The following NAV2 variants were observed in gnomAD, a reference collection of about 807,000 sequenced individuals.
The protein encoded by NAV2 is helicase, APC down-regulated 1.
In NAV2, 54 loss-of-function variants were observed where a neutral mutation model predicts 223.2. That is an observed-to-expected ratio of 0.24 (90% confidence interval 0.19 to 0.30). NAV2 has a LOEUF of 0.30. Ranked by LOEUF, NAV2 falls within the 10% of genes least tolerant of loss-of-function variation. The pLI is 1.00. For synonymous variants in NAV2, 1,279 were observed against 1,239.3 expected (o/e 1.03, Z -0.67); for missense variants, 2,806 against 3,147.5 (o/e 0.89, Z 2.60).
intron 1 of NAV2, among the ~76,000 whole-genome samples, chr11:19,524,351 A>T (rs1460129162): frequency 5.9e-5 from 9 of 152,222 alleles, no homozygotes; most frequent in Admixed American, 5.2e-4. Flanking sequence ...AGACTGTGCT[A>T]GCTTGTCAGG....
At position 19,713,746 on chromosome 11, in the gene NAV2, C is replaced by G. The variant is rs184978478; in HGVS notation, c.51C>G (p.Pro17=). Residue 17 remains proline, a synonymous_variant, in exon 1 of 38, where the codon CCC becomes CCG. Coordinates refer to ENST00000349880, the MANE Select transcript of NAV2 (RefSeq NM_145117.5). This position sits in a 1 kb window ranked among gnomAD's most constrained non-coding sequence, Gnocchi z 7.2. ...ASKMKSGLPK[P]VHSAAPILHV... ...AAATGAAGTCGGGACTGCCCAAACC[C>G]GTGCACAGCGCCGCGCCCATCCTGC... The G allele has an allele frequency of 6.4e-4, 1,039 of 1,611,144 alleles. 18 individuals are homozygous for G. In the East Asian group the frequency reaches 0.019, roughly 30 times the overall value.
rs1006592035 is a variant in NAV2 at position 19,994,510 on chromosome 11, C to T, written c.2768+10263C>T. 1.3e-4 allele frequency among the ~76,000 whole-genome samples: 20 copies of T among 151,102 alleles called. 1 individual carries two copies. The highest frequency in any genetic ancestry group is 1.3e-3 in the Admixed American group (20 of 15,182). ...GCAGTGAGCCCAGATCACGCCACTG[C>T]CCTCCAGCCTGGGCGACAAGAGCAA... On this transcript the variant is annotated intron_variant, in intron 11 of 37. Coordinates refer to ENST00000349880, the MANE Select transcript of NAV2 (RefSeq NM_145117.5).
intron 1 of NAV2, among the ~76,000 whole-genome samples, chr11:19,573,398 T>C (rs1430643380): frequency 3.9e-5 from 6 of 152,202 alleles, no homozygotes; most frequent in Non-Finnish European, 8.8e-5. Flanking sequence ...TTTTGACCAT[T>C]TTGTTAATGA....
At chr11:20,043,837 C>A in intron 12 of NAV2, 144 bp from the exon 13 acceptor site, 1 of 662,360 alleles carries the variant, frequency 1.5e-6, no homozygotes, top group South Asian at 2.4e-5. Flanking sequence ...ACAAGATAAC[C>A]AGAGTACAAA....
intron 1 of NAV2, among the ~76,000 whole-genome samples, chr11:19,689,950 AT>A (rs1468511293): frequency 2.0e-5 from 3 of 152,108 alleles, no homozygotes; most frequent in Non-Finnish European, 2.9e-5. Context: ...TGTTGACTTG[AT>A]TCATTTACAT....
chr11:20,042,437 G>A (rs913859035), intron 12 of NAV2, among the ~76,000 whole-genome samples: 4 of 152,132 alleles, frequency 2.6e-5, no homozygotes. Flanking sequence ...GCTGAATGAT[G>A]AGCTTCTCAT....
intron 1 of NAV2, among the ~76,000 whole-genome samples, chr11:19,600,035 G>A (rs1470594168): frequency 6.6e-6 from 1 of 152,216 alleles, no homozygotes; most frequent in Non-Finnish European, 1.5e-5. Context: ...GAAGCACTGT[G>A]AGGGAGTGGG....
intron 37 of NAV2, among the ~76,000 whole-genome samples, chr11:20,116,861 G>A (rs1308568834): frequency 6.6e-6 from 1 of 152,200 alleles, no homozygotes; most frequent in Non-Finnish European, 1.5e-5. Flanking sequence ...TCATGAGACT[G>A]AGACTTCCAT....
At chr11:19,760,049 A>G (rs1461150786) in intron 1 of NAV2, 1 of 153,554 alleles carries the variant, frequency 6.5e-6, no homozygotes, top group East Asian at 1.9e-4. Context: ...ATTTTCTGAG[A>G]GAGGCAAATG....
chr11:19,861,414 T>C (rs889099730), intron 3 of NAV2, among the ~76,000 whole-genome samples: 3 of 152,098 alleles, frequency 2.0e-5, no homozygotes, highest in Middle Eastern at 6.8e-3. Flanking sequence ...CTTTGGAATG[T>C]CCTGTCCTTA....
At chr11:19,973,741 A>G (rs897126620) in intron 10 of NAV2, among the ~76,000 whole-genome samples, 1 of 152,234 alleles carries the variant, frequency 6.6e-6, no homozygotes, top group Non-Finnish European at 1.5e-5. Flanking sequence ...GCCAGGATCC[A>G]CTTCTGTCAT....
In NAV2 at chr11:19,973,175, C is replaced by A. The variant is rs79977756; in HGVS notation, c.2646-10950C>A. Reference sequence around the variant, plus strand: ...CCTAAGCCAAAGTGCCAGCTGATTTCTCCCCAGTTTGGTAAAGACTTTTGT... The same window carrying A: ...CCTAAGCCAAAGTGCCAGCTGATTTATCCCCAGTTTGGTAAAGACTTTTGT... On this transcript the variant is annotated intron_variant, in intron 10 of 37. Transcript: ENST00000349880. 9.3e-3 allele frequency among the ~76,000 whole-genome samples: 1,411 copies of A among 152,284 alleles called. 31 individuals carry two copies. Among genetic ancestry groups the A allele is most frequent in the African/African-American group, 0.033 (1,352 of 41,558 alleles).
intron 1 of NAV2, among the ~76,000 whole-genome samples, chr11:19,630,848 C>A (rs1323912026): frequency 1.4e-5 from 2 of 148,042 alleles, no homozygotes; most frequent in South Asian, 4.2e-4. Flanking sequence ...TGCACTCCAG[C>A]CTAGGTAACA....
chr11:19,608,371 A>C (rs1342664560), intron 1 of NAV2, among the ~76,000 whole-genome samples: 5 of 152,250 alleles, frequency 3.3e-5, no homozygotes, highest in Admixed American at 1.3e-4. Flanking sequence ...CCACTATGAA[A>C]AGAAAGCACA....
chr11:19,703,345 G>T (rs1041646570), intron 1 of NAV2, among the ~76,000 whole-genome samples: 27 of 152,208 alleles, frequency 1.8e-4, no homozygotes, highest in African/African-American at 6.5e-4. Context: ...TCCATCTGAG[G>T]CTCACCAGGC....
intron 7 of NAV2, among the ~76,000 whole-genome samples, chr11:19,939,400 A>G (rs890854986): frequency 6.6e-6 from 1 of 152,148 alleles, no homozygotes; most frequent in Non-Finnish European, 1.5e-5. Context: ...AGGTTCAGAG[A>G]AGCATTCCCC....
intron 11 of NAV2, among the ~76,000 whole-genome samples, chr11:20,005,908 T>C (rs568492223): frequency 5.3e-5 from 8 of 152,318 alleles, no homozygotes; most frequent in African/African-American, 1.9e-4. Flanking sequence ...TTACCTAAAT[T>C]GACTCATTTA....
intron 3 of NAV2, among the ~76,000 whole-genome samples, chr11:19,861,259 G>A (rs1380327906): frequency 6.6e-6 from 1 of 152,198 alleles, no homozygotes; most frequent in African/African-American, 2.4e-5. Context: ...GAAAGAGGTT[G>A]TGGAGAAGTA....
intron 12 of NAV2, among the ~76,000 whole-genome samples, chr11:20,039,355 G>A (rs2153573392): frequency 6.6e-6 from 1 of 152,256 alleles, no homozygotes; most frequent in South Asian, 2.1e-4. Context: ...GCTTCCCTAG[G>A]TGCCTGAGAC....
Sources: allele counts gnomAD v4.1 joint callset (sites outside exome capture counted in the v4.1 genomes callset), GRCh38; gene constraint gnomAD v4.1.1; non-coding constraint Gnocchi (gnomAD v3.1); transcripts MANE v1.5; gene names NCBI Gene and HGNC (gene_info 2026-07-23, HGNC 2026-07-21).